Variants in DCLK1 observed in about 807,000 individuals in gnomAD.
The protein encoded by DCLK1 is doublecortin like kinase 1.
Under a neutral mutation model 86.2 loss-of-function variants are expected in DCLK1, and 16 were observed. The observed-to-expected ratio is 0.19, with a 90% CI of 0.13 to 0.28. DCLK1 has a LOEUF of 0.28. DCLK1 is among the 10% of genes least tolerant of loss of function. The probability of loss-of-function intolerance (pLI) is 1.00; values close to 1 mark genes in which losing one functional copy is unlikely to be tolerated. For synonymous variants in DCLK1, 369 were observed against 370.5 expected, an observed-to-expected ratio of 1.00 and a Z score of 0.05; for missense variants, 590 against 940.2, an observed-to-expected ratio of 0.63 and a Z score of 4.87.
rs1267634853 is a variant in DCLK1 at position 35,770,397 on chromosome 13, C to T, written c.*4138G>A. 1 of 152,138 alleles carries T rather than the reference C, an allele frequency of 6.6e-6. No homozygotes were observed. Among genetic ancestry groups the T allele is most frequent in the Non-Finnish European group, 1.5e-5 (1 of 68,022 alleles). 9.4% of individuals were successfully genotyped at this position (152,138 alleles called of 1,614,324 possible). A position where few individuals can be genotyped will look rare whatever the true frequency, so the allele number is the denominator to read the frequency against. ...TGTTAATTTTGGAAGTGCTTTTAAT[C>T]ACTATTTTCCCCAACAGACTAGAAT... On this transcript the variant is annotated 3_prime_UTR_variant, in exon 17 of 17. Transcript: ENST00000360631.
In DCLK1 at chr13:35,830,951, A is replaced by G. The variant is rs369516327; in HGVS notation, c.1230-2644T>C. The stretch of plus-strand genomic sequence containing the variant: ...AGCACTCAATCCTCAGGGCTGGTGT[A>G]GAGCACAGGAGGGCTGAACCCCCTT... On this transcript the variant is annotated intron_variant, in intron 8 of 16. Coordinates refer to ENST00000360631, the MANE Select transcript of DCLK1 (RefSeq NM_001330071.2). 6.6e-5 allele frequency among the ~76,000 whole-genome samples: 10 copies of G among 152,308 alleles called. No homozygotes were observed. The South Asian group carries it at 2.1e-3, about 32-fold the overall frequency.
intron 6 of DCLK1, among the ~76,000 whole-genome samples, chr13:35,853,268 C>G (rs1870787253): frequency 6.6e-6 from 1 of 152,170 alleles, no homozygotes; most frequent in African/African-American, 2.4e-5. Context: ...AAAGAGGCTC[C>G]TTGTTTTGTT....
rs971872995 is a variant in DCLK1, at chr13:36,018,434, A to C, written c.724-70977T>G. ...ATTATTTTAAGCATTCCTAAAAATC[A>C]GTTTAAAATGTTTTTCTATGCATGT... is the stretch of plus-strand genomic sequence containing the variant. On this transcript the variant is annotated intron_variant, in intron 3 of 16. Coordinates refer to ENST00000360631, the MANE Select transcript of DCLK1 (RefSeq NM_001330071.2). Among the ~76,000 whole-genome samples the C allele has an allele frequency of 6.6e-5, 10 of 152,222 alleles. No individual in the cohort carries two copies. The South Asian group carries it at 2.1e-3, about 32-fold the overall frequency.
In DCLK1 at chr13:35,917,589, C is replaced by T. The variant is rs73511243; in HGVS notation, c.823+29769G>A. On this transcript the variant is annotated intron_variant, in intron 4 of 16. Coordinates refer to ENST00000360631, the MANE Select transcript of DCLK1 (RefSeq NM_001330071.2). ...AAAGAAAAAGAGAAAGCATGCCAAGCCTTGTGTGATCCAGTTTTCTTCTCG... is the reference window on the plus strand; with the variant it reads ...AAAGAAAAAGAGAAAGCATGCCAAGTCTTGTGTGATCCAGTTTTCTTCTCG... Among the ~76,000 whole-genome samples the T allele has an allele frequency of 2.6e-5, 4 of 152,196 alleles. No homozygotes were observed. The South Asian group carries it at 8.3e-4, about 32-fold the overall frequency.
At chr13:36,008,275 A>G (rs1250409608) in intron 3 of DCLK1, among the ~76,000 whole-genome samples, 1 of 116,808 alleles carries the variant, frequency 8.6e-6, no homozygotes, top group East Asian at 2.8e-4. Context: ...CACATTGTGC[A>G]GGTTAGTTAC....
Position 35,828,266 on chromosome 13 carries a change from C to A in DCLK1, c.1271G>T (p.Ser424Ile), listed in dbSNP as rs1868649457. The part of the protein sequence containing the change: ...REYALKIIKK[S>I]KCRGKEHMIQ... The stretch of plus-strand genomic sequence containing the variant: ...TATACATACTTTGCCTCGACATTTG[C>A]TTTTCTTGATAATTTTCAGAGCATA... The change falls in exon 9 of 17, where the codon AGC becomes ATC. Residue 424 changes from serine to isoleucine, a missense_variant. Around this residue, in one of 6 missense-constraint regions of DCLK1, gnomAD observed 108 missense variants for 195.7 expected, o/e 0.55. Coordinates refer to ENST00000360631, the MANE Select transcript of DCLK1 (RefSeq NM_001330071.2). 2 of 1,610,650 alleles carry A rather than the reference C, an allele frequency of 1.2e-6. No homozygotes were observed. The highest frequency in any genetic ancestry group is 2.2e-5 in the East Asian group (1 of 44,796).
At chr13:35,804,296 A>AT (rs71081286) in intron 15 of DCLK1, among the ~76,000 whole-genome samples, 1,514 of 139,610 alleles carry the variant, frequency 0.011, 18 homozygotes, top group Non-Finnish European at 0.016. Flanking sequence ...ATGCCTAGCT[A>AT]TTTTTTTTTT....
At chr13:35,955,391 A>G (rs1877925057) in intron 3 of DCLK1, among the ~76,000 whole-genome samples, 1 of 151,920 alleles carries the variant, frequency 6.6e-6, no homozygotes, top group East Asian at 1.9e-4. Flanking sequence ...CTGCTTTCTC[A>G]CTTTAGCCTC....
intron 3 of DCLK1, among the ~76,000 whole-genome samples, chr13:36,021,318 A>G (rs142680310): frequency 2.0e-5 from 3 of 151,940 alleles, no homozygotes; most frequent in Non-Finnish European, 4.4e-5. Context: ...TTGAAAAAAA[A>G]AGTAGTAATG....
At chr13:36,099,760 A>G (rs1383988532) in intron 3 of DCLK1, among the ~76,000 whole-genome samples, 3 of 152,232 alleles carry the variant, frequency 2.0e-5, no homozygotes, top group Non-Finnish European at 4.4e-5. Flanking sequence ...AACTCCGTGA[A>G]TAGTCTGTTC....
intron 3 of DCLK1, among the ~76,000 whole-genome samples, chr13:36,098,477 TG>T (rs1885089066): frequency 6.6e-6 from 1 of 152,236 alleles, no homozygotes; most frequent in Non-Finnish European, 1.5e-5. Flanking sequence ...TCATTCACAC[TG>T]GTCCTTCCAG....
rs978593179 is a variant in DCLK1, at chr13:35,848,513, T to C, written c.1035+5986A>G. On this transcript the variant is annotated intron_variant, in intron 6 of 16. Coordinates refer to ENST00000360631, the MANE Select transcript of DCLK1 (RefSeq NM_001330071.2). ...TAAATGCTGTGGAAAGCACTTCCCTTGGAACTGCTTGAATGGAAAGTTGGC... is the reference window on the plus strand; with the variant it reads ...TAAATGCTGTGGAAAGCACTTCCCTCGGAACTGCTTGAATGGAAAGTTGGC... The C allele has an allele frequency of 3.0e-6, 3 of 985,312 alleles. No homozygotes were observed. The South Asian group carries it at 1.4e-4, about 46-fold the overall frequency. 61.0% of individuals were successfully genotyped at this position (985,312 alleles called of 1,614,324 possible). A position where few individuals can be genotyped will look rare whatever the true frequency, so the allele number is the denominator to read the frequency against.
Position 35,959,854 on chromosome 13 carries a change from CGTGTGTGTGTGTGT to C in DCLK1, c.724-12411_724-12398del, listed in dbSNP as rs67600362. Among the ~76,000 whole-genome samples, 144 of 149,408 alleles carry C rather than the reference CGTGTGTGTGTGTGT, an allele frequency of 9.6e-4. 1 individual carries two copies. Among genetic ancestry groups the C allele is most frequent in the East Asian group, 6.5e-3 (33 of 5,052 alleles). On this transcript the variant is annotated intron_variant, in intron 3 of 16. Transcript: ENST00000360631. ...TCATGAAAAAACCAATACAGCAAGT[CGTGTGTGTGTGTGT>C]GTGTGTGTGTGTGTGTGTGTGTGTG... is the stretch of plus-strand genomic sequence containing the variant.
Position 35,778,565 on chromosome 13 carries a change from A to T in DCLK1, c.2059-3866T>A, listed in dbSNP as rs1056985995. Among the ~76,000 whole-genome samples the T allele has an allele frequency of 2.0e-5, 3 of 152,160 alleles. No individual in the cohort carries two copies. In the South Asian group the frequency reaches 6.2e-4, roughly 31 times the overall value. ...GAGTTTACTGCATTCCCCAATACCC[A>T]TGAATGGCCCAAGATGGGCACCCGA... is the stretch of plus-strand genomic sequence containing the variant. On this transcript the variant is annotated intron_variant, in intron 16 of 16. Transcript: ENST00000360631.
At chr13:35,910,049 GAGGTTACTC>G (rs1035681301) in intron 4 of DCLK1, among the ~76,000 whole-genome samples, 3 of 152,112 alleles carry the variant, frequency 2.0e-5, no homozygotes, top group Non-Finnish European at 4.4e-5. Flanking sequence ...GCTATATCCT[GAGGTTACTC>G]AGGAGGGAAC....
chr13:36,048,336 A>G (rs1882999580), intron 3 of DCLK1, among the ~76,000 whole-genome samples: 1 of 152,178 alleles, frequency 6.6e-6, no homozygotes. Flanking sequence ...ATTCTTTTAT[A>G]TTGTTTAGGA....
At chr13:36,072,794 C>T (rs1884025804) in intron 3 of DCLK1, among the ~76,000 whole-genome samples, 2 of 152,310 alleles carry the variant, frequency 1.3e-5, no homozygotes, top group South Asian at 4.1e-4. Flanking sequence ...CATCCAAATC[C>T]ATTACAAAAC....
Position 36,090,091 on chromosome 13 carries a change from C to T in DCLK1, c.723+21778G>A, listed in dbSNP as rs138201132. On this transcript the variant is annotated intron_variant, in intron 3 of 16. Coordinates refer to ENST00000360631, the MANE Select transcript of DCLK1 (RefSeq NM_001330071.2). The stretch of plus-strand genomic sequence containing the variant: ...ACATGCCCTCCAATACATTATAAAG[C>T]AAGCCTTACTTTAGAGTGGGGTGAC... Among the ~76,000 whole-genome samples, 558 of 152,290 alleles carry T rather than the reference C, an allele frequency of 3.7e-3. 14 individuals are homozygous for T. Among genetic ancestry groups the T allele is most frequent in the Admixed American group, 0.033 (507 of 15,298 alleles).
At chr13:35,916,753 C>T (rs1372339458) in intron 4 of DCLK1, among the ~76,000 whole-genome samples, 3 of 151,992 alleles carry the variant, frequency 2.0e-5, no homozygotes. Context: ...TCTATCTATC[C>T]CTATCTTTAA....
Sources: gnomAD v4.1 joint callset for allele counts (sites outside exome capture counted in the v4.1 genomes callset) on GRCh38, gnomAD v4.1.1 for gene constraint, gnomAD v4.1.1 regional missense constraint, MANE v1.5 for transcripts, NCBI Gene and HGNC (gene_info 2026-07-23, HGNC 2026-07-21) for gene names.